Variants in ZNF841 observed in about 807,000 individuals in gnomAD.
ZNF841 encodes zinc finger protein 841.
In ZNF841, 11 loss-of-function variants were observed where a neutral mutation model predicts 13.0. The ratio of observed to expected loss-of-function variants is 0.85; its 90% CI spans 0.53 to 1.40. The LOEUF (loss-of-function observed/expected upper bound fraction) is 1.40, where lower values mean the gene tolerates loss of function less well. Among genes scored for constraint, ZNF841 ranks in the 40% most tolerant of loss-of-function variants. The pLI is 0.00. For synonymous variants in ZNF841, 369 were observed against 381.6 expected (o/e 0.97, Z 0.38); for missense variants, 1,068 against 1,139.5 (o/e 0.94, Z 0.90).
intron 4 of ZNF841, among the ~76,000 whole-genome samples, chr19:52,077,934 T>C (rs2087958543): frequency 6.6e-6 from 1 of 152,134 alleles, no homozygotes; most frequent in Admixed American, 6.6e-5. Flanking sequence ...TGCTACAGTA[T>C]ACTGACAGAG....
At chr19:52,068,844 T>C (rs2087662644) in intron 6 of ZNF841, among the ~76,000 whole-genome samples, 1 of 151,878 alleles carries the variant, frequency 6.6e-6, no homozygotes, top group South Asian at 2.1e-4. Context: ...TGGTGATGCA[T>C]GCCTGTAATC....
the ZNF841 span, chr19:52,058,813 C>T: frequency 2.0e-5 from 3 of 153,046 alleles, no homozygotes; most frequent in East Asian, 5.8e-4. Context: ...AATTTCTCAA[C>T]TATAGCAAAA....
intron 6 of ZNF841, among the ~76,000 whole-genome samples, chr19:52,069,657 A>G (rs2087686087): frequency 6.6e-6 from 1 of 152,230 alleles, no homozygotes; most frequent in African/African-American, 2.4e-5. Flanking sequence ...TGCAATTAGC[A>G]GAAACGTGAA....
chr19:52,075,136 A>T (rs1178186129), intron 6 of ZNF841, among the ~76,000 whole-genome samples: 4 of 152,244 alleles, frequency 2.6e-5, no homozygotes, highest in Non-Finnish European at 5.9e-5. Flanking sequence ...GGGTTATCAC[A>T]GCAGGAAAAA....
rs1325093560 is a variant in ZNF841 at position 52,066,842 on chromosome 19, C to T, written c.1040G>A (p.Cys347Tyr). 6.2e-7 allele frequency: 1 copy of T among 1,614,178 alleles called. No individual in the cohort carries two copies. ...ACTAAAGGACTTGCCACATTCATTACATATGTAGGGTTTGTCTCCAGTGTG... is the reference window on the plus strand; with the variant it reads ...ACTAAAGGACTTGCCACATTCATTATATATGTAGGGTTTGTCTCCAGTGTG... Reference protein sequence around the residue: ...RSHTGDKPYICNECGKSFSKS... With the variant: ...RSHTGDKPYIYNECGKSFSKS... The change falls in exon 7 of 7, where the codon TGT becomes TAT. Residue 347 changes from cysteine (C) to tyrosine (Y), a missense_variant. Cys to Tyr is a radical substitution (Grantham distance 194). Coordinates refer to ENST00000594440, the MANE Select transcript of ZNF841 (RefSeq NM_001136499.2).
Position 52,066,737 on chromosome 19 carries a change from A to C in ZNF841, c.1145T>G (p.Phe382Cys). The C allele has an allele frequency of 1.9e-6, 3 of 1,611,728 alleles. No individual in the cohort carries two copies. Among genetic ancestry groups the C allele is most frequent in the Non-Finnish European group, 2.5e-6 (3 of 1,178,666 alleles). ...AGTTGCAAGAGAGGAACTTTGACTA[A>C]AGCACTTCCCACATCGATTACATTT... ...PYKCNRCGKC[F>C]SQSSSLATHQ... Residue 382 changes from phenylalanine (F) to cysteine (C), a missense_variant, in exon 7 of 7, where the codon TTT (phenylalanine) becomes TGT (cysteine). By Grantham distance (205) the Phe-to-Cys change is radical (BLOSUM62 -2). Coordinates refer to ENST00000594440, the MANE Select transcript of ZNF841 (RefSeq NM_001136499.2).
chr19:52,058,718 T>C, the ZNF841 span: 2 of 153,124 alleles, frequency 1.3e-5, no homozygotes, highest in Admixed American at 1.3e-4. Flanking sequence ...TATAAGACTA[T>C]AAAAATTGAA....
downstream of ZNF841, chr19:52,064,356 A>AAAAAAAAG (rs2087465694): frequency 1.3e-5 from 1 of 74,452 alleles, no homozygotes; most frequent in Non-Finnish European, 2.3e-5. Flanking sequence ...CCGTCTCCAA[A>AAAAAAAAG]AAAAAAAAAA....
chr19:52,077,193 C>G (rs2087932177), intron 4 of ZNF841, 109 bp from the exon 5 acceptor site: 2 of 1,282,110 alleles, frequency 1.6e-6, no homozygotes, highest in Non-Finnish European at 1.1e-6. Flanking sequence ...TGTGTTTTGA[C>G]ATATCCATTA....
At chr19:52,076,796 G>T in intron 5 of ZNF841, 162 bp downstream of exon 5, 2 of 742,894 alleles carry the variant, frequency 2.7e-6, no homozygotes, top group Non-Finnish European at 2.1e-6. Flanking sequence ...CATAGAAATG[G>T]GACAGTTAAA....
chr19:52,072,640 G>A (rs960730520), intron 6 of ZNF841, among the ~76,000 whole-genome samples: 1 of 152,002 alleles, frequency 6.6e-6, no homozygotes, highest in Non-Finnish European at 1.5e-5. Context: ...TCAGGAGTTC[G>A]AGACCAGCCT....
chr19:52,088,551 T>C (rs56682214), intron 3 of ZNF841, among the ~76,000 whole-genome samples: 32,091 of 152,148 alleles, frequency 0.21, 4,716 homozygotes, highest in African/African-American at 0.41. Context: ...TATGGTTCCA[T>C]CTACAGTCAA....
At chr19:52,085,119 T>C (rs1600100842) in intron 3 of ZNF841, among the ~76,000 whole-genome samples, 4 of 152,162 alleles carry the variant, frequency 2.6e-5, no homozygotes, top group African/African-American at 4.8e-5. Flanking sequence ...GGCTGGACTA[T>C]GCTTCCCTTC....
intron 6 of ZNF841, among the ~76,000 whole-genome samples, chr19:52,071,904 C>T (rs746051130): frequency 3.9e-5 from 6 of 152,136 alleles, no homozygotes; most frequent in Admixed American, 6.5e-5. Flanking sequence ...AAGACAGAGA[C>T]TGGCTGAATA....
chr19:52,070,287 T>C (rs189581653), intron 6 of ZNF841, among the ~76,000 whole-genome samples: 349 of 152,266 alleles, frequency 2.3e-3, no homozygotes, highest in African/African-American at 8.2e-3. Context: ...CTAGGAGGAC[T>C]GAACAAAGGG....
chr19:52,059,370 A>AAAAATATATATATAT, the ZNF841 span, among the ~76,000 whole-genome samples: 5 of 69,650 alleles, frequency 7.2e-5, no homozygotes, highest in Admixed American at 2.1e-4. Context: ...AAAAAAAAAA[A>AAAAATATATATATAT]ATATATATAT....
In ZNF841 at chr19:52,076,376, G is replaced by A. The variant is rs1044355252; in HGVS notation, c.143-204C>T. 12 of 587,328 alleles carry A rather than the reference G, an allele frequency of 2.0e-5. No homozygotes were observed. In the African/African-American group the frequency reaches 2.1e-4, roughly 10 times the overall value. The allele number at this position is 587,328 out of a possible 1,614,324, so 36.4% of individuals were successfully genotyped here. ...AAGAAATACTGAATCAAAAACACAG[G>A]GATAGGCCAAGCATACTGGCTCAAG... On this transcript the variant is annotated intron_variant, in intron 5 of 6. Coordinates refer to ENST00000594440, the MANE Select transcript of ZNF841 (RefSeq NM_001136499.2).
intron 2 of ZNF841, among the ~76,000 whole-genome samples, chr19:52,089,947 C>T (rs995609244): frequency 6.6e-6 from 1 of 152,050 alleles, no homozygotes; most frequent in Admixed American, 6.6e-5. Context: ...CAGGAGTGTA[C>T]ACAAACTGCA....
rs763841274 is a variant in ZNF841 at position 52,066,536 on chromosome 19, A to C, written c.1346T>G (p.Ile449Arg). Residue 449 changes from isoleucine (I) to arginine (R), a missense_variant, in exon 7 of 7, where the codon ATA becomes AGA. Transcript: ENST00000594440. The part of the protein sequence containing the change: ...YQNSQLVRHQ[I>R]IHTGETPYKC... ...GTAAGGTGTCTCTCCAGTATGAATT[A>C]TCTGGTGCCTTACAAGTTGTGAATT... 2 of 1,613,436 alleles carry C rather than the reference A, an allele frequency of 1.2e-6. No homozygotes were observed. Among genetic ancestry groups the C allele is most frequent in the East Asian group, 2.2e-5 (1 of 44,774 alleles).
Sources: allele counts gnomAD v4.1 joint callset (sites outside exome capture counted in the v4.1 genomes callset), GRCh38; gene constraint gnomAD v4.1.1; transcripts MANE v1.5; gene names NCBI Gene and HGNC (gene_info 2026-07-23, HGNC 2026-07-21).